Variants in ZNF442 observed in about 807,000 individuals in gnomAD.
ZNF442 encodes zinc finger protein 442.
Under a neutral mutation model 57.0 loss-of-function variants are expected in ZNF442, and 45 were observed. The ratio of observed to expected loss-of-function variants is 0.79; its 90% confidence interval spans 0.62 to 1.01. The LOEUF (loss-of-function observed/expected upper bound fraction) is 1.01, where lower values mean the gene tolerates loss of function less well. Among genes scored for constraint, ZNF442 ranks in the 50% least tolerant of loss-of-function variants. The pLI is 0.00. For synonymous variants in ZNF442, 213 were observed against 241.8 expected (o/e 0.88, Z 1.10); for missense variants, 690 against 756.5 (o/e 0.91, Z 1.03).
chr19:12,367,020 T>C (rs1188462474), upstream of ZNF442, among the ~76,000 whole-genome samples: 1 of 152,110 alleles, frequency 6.6e-6, no homozygotes, highest in Non-Finnish European at 1.5e-5. Context: ...GCTTCAGGGG[T>C]TGGATCTTGT....
At position 12,349,690 on chromosome 19, in the gene ZNF442, C is replaced by T. The variant is rs1467929250; in HGVS notation, c.*11G>A. The T allele has an allele frequency of 3.8e-6, 6 of 1,570,280 alleles. No homozygotes were observed. The highest frequency in any genetic ancestry group is 2.2e-5 in the East Asian group (1 of 44,472). ...TGAAATGAAATAAAATTAATGAATG[C>T]TTTTCCACATTTATAGAGTATCTCT... On this transcript the variant is annotated 3_prime_UTR_variant, in exon 6 of 6. Transcript: ENST00000242804.
In ZNF442 at chr19:12,351,986, C is replaced by T. The variant is rs1283991106; in HGVS notation, c.266+24G>A. ...TAAGAATTGCTCCACAGATATATGTCTTTCTCTTGTGAGTGCAAATTACCT... is the reference window on the plus strand; with the variant it reads ...TAAGAATTGCTCCACAGATATATGTTTTTCTCTTGTGAGTGCAAATTACCT... On this transcript the variant is annotated intron_variant, in intron 5 of 5. Transcript: ENST00000242804. The T allele has an allele frequency of 3.7e-6, 6 of 1,608,504 alleles. No individual in the cohort carries two copies. In the South Asian group the frequency reaches 6.6e-5, roughly 18 times the overall value.
upstream of ZNF442, among the ~76,000 whole-genome samples, chr19:12,367,327 C>T (rs938020441): frequency 1.3e-5 from 2 of 152,036 alleles, no homozygotes; most frequent in East Asian, 1.9e-4. Flanking sequence ...AGGGGGTGTA[C>T]GAACAGGGAG....
chr19:12,372,474 G>A, the ZNF442 span, among the ~76,000 whole-genome samples: 1 of 151,294 alleles, frequency 6.6e-6, no homozygotes, highest in Non-Finnish European at 1.5e-5. Context: ...AAAAAAAAGA[G>A]AAAAAAGAAA....
In ZNF442 at chr19:12,348,678, T is replaced by G. The variant is rs921246294; in HGVS notation, c.*1023A>C. 1 of 152,168 alleles carries G rather than the reference T, an allele frequency of 6.6e-6. No individual in the cohort carries two copies. Among genetic ancestry groups the G allele is most frequent in the Non-Finnish European group, 1.5e-5 (1 of 68,040 alleles). 9.4% of individuals were successfully genotyped at this position (152,168 alleles called of 1,614,324 possible). A position where few individuals can be genotyped will look rare whatever the true frequency, so the allele number is the denominator to read the frequency against. On this transcript the variant is annotated 3_prime_UTR_variant, in exon 6 of 6. Transcript: ENST00000242804. The stretch of plus-strand genomic sequence containing the variant: ...TGATCATCCTGACATCCTGTCAAGA[T>G]TCAAGTGAGCCTGATGTCTCACTGT...
intron 3 of ZNF442, among the ~76,000 whole-genome samples, chr19:12,353,737 A>C (rs1969281023): frequency 6.6e-6 from 1 of 152,192 alleles, no homozygotes; most frequent in African/African-American, 2.4e-5. Context: ...TTAATCCCCA[A>C]TGTGACAGTA....
At chr19:12,359,386 A>G (rs979113445) in intron 3 of ZNF442, among the ~76,000 whole-genome samples, 3 of 152,118 alleles carry the variant, frequency 2.0e-5, no homozygotes, top group Admixed American at 6.5e-5. Context: ...GTAAAACAAA[A>G]CAAAATAAAA....
rs575166867 is a variant in ZNF442, at chr19:12,346,023, C to T, written c.*3678G>A. On this transcript the variant is annotated 3_prime_UTR_variant, in exon 6 of 6. Transcript: ENST00000242804. ...CAATAAAAGATAAACTGGACTACAT[C>T]GAAATTAAAAACTTTTGCGCACCAA... The T allele has an allele frequency of 1.3e-5, 2 of 152,116 alleles. No individual in the cohort carries two copies. Among genetic ancestry groups the T allele is most frequent in the East Asian group, 1.9e-4 (1 of 5,182 alleles). 9.4% of individuals were successfully genotyped at this position (152,116 alleles called of 1,614,324 possible). A position where few individuals can be genotyped will look rare whatever the true frequency, so the allele number is the denominator to read the frequency against.
intron 5 of ZNF442, 142 bp downstream of exon 5, chr19:12,351,868 G>C: frequency 1.5e-6 from 1 of 652,186 alleles, no homozygotes; most frequent in Non-Finnish European, 2.6e-6. Context: ...TCACATTTAA[G>C]TATATGTTTC....
chr19:12,354,568 T>TG, intron 3 of ZNF442, among the ~76,000 whole-genome samples: 1 of 148,018 alleles, frequency 6.8e-6, no homozygotes, highest in East Asian at 2.0e-4. Context: ...GATAAAGAAT[T>TG]TTTTTTTTTT....
intron 3 of ZNF442, 97 bp from the exon 4 acceptor site, chr19:12,353,211 C>A: frequency 3.1e-6 from 4 of 1,295,140 alleles, no homozygotes; most frequent in Non-Finnish European, 2.1e-6. Context: ...TATTTCTAAG[C>A]AATGATTCAA....
intron 3 of ZNF442, among the ~76,000 whole-genome samples, chr19:12,356,902 A>AT (rs1969340386): frequency 6.6e-6 from 1 of 152,122 alleles, no homozygotes; most frequent in Non-Finnish European, 1.5e-5. Flanking sequence ...CAATACAACA[A>AT]TTTTTTCCCA....
At chr19:12,371,441 A>G in the ZNF442 span, among the ~76,000 whole-genome samples, 1 of 152,206 alleles carries the variant, frequency 6.6e-6, no homozygotes, top group African/African-American at 2.4e-5. Context: ...TTTCCTAGAC[A>G]GTTGTGAAAA....
chr19:12,367,603 C>T (rs1268571371), upstream of ZNF442, among the ~76,000 whole-genome samples: 3 of 152,142 alleles, frequency 2.0e-5, no homozygotes, highest in African/African-American at 7.2e-5. Context: ...CAGATACTCG[C>T]AGAGCAGCCA....
In ZNF442 at chr19:12,357,032, GA is replaced by G. The variant is rs2144829101; in HGVS notation, c.79-3919del. On this transcript the variant is annotated intron_variant, in intron 3 of 5. Coordinates refer to ENST00000242804, the MANE Select transcript of ZNF442 (RefSeq NM_030824.3). ...AAAGAACTCAAGTCCCATGAACAGT[GA>G]AATGTGTGAGGACTTGGTGACCCAC... 2.0e-5 allele frequency among the ~76,000 whole-genome samples: 3 copies of G among 152,324 alleles called. No individual in the cohort carries two copies. The East Asian group carries it at 5.8e-4, about 29-fold the overall frequency.
Position 12,350,089 on chromosome 19 carries a change from C to T in ZNF442, c.1496G>A (p.Cys499Tyr), listed in dbSNP as rs1206826455. ...ECKECGKAFS[C>Y]FTYLSQHRRT... ...TCTATGTTGAGAAAGGTATGTGAAA[C>T]AACTGAATGCTTTCCCACATTCCTT... Residue 499 changes from cysteine to tyrosine, a missense_variant, in exon 6 of 6, where the codon TGT (cysteine) becomes TAT (tyrosine). By Grantham distance (194) the Cys-to-Tyr change is radical (BLOSUM62 -2). Coordinates refer to ENST00000242804, the MANE Select transcript of ZNF442 (RefSeq NM_030824.3). 3.1e-6 allele frequency: 5 copies of T among 1,613,054 alleles called. No homozygotes were observed. In the South Asian group the frequency reaches 3.3e-5, roughly 11 times the overall value.
At chr19:12,361,036 A>T (rs1969416936) in intron 3 of ZNF442, among the ~76,000 whole-genome samples, 1 of 152,030 alleles carries the variant, frequency 6.6e-6, no homozygotes, top group Non-Finnish European at 1.5e-5. Context: ...TACTAAAAAT[A>T]CAAAATTAGC....
chr19:12,366,976 A>G (rs1027957986), upstream of ZNF442, among the ~76,000 whole-genome samples: 5 of 152,154 alleles, frequency 3.3e-5, no homozygotes, highest in African/African-American at 1.2e-4. Context: ...AGCACACACC[A>G]TGCTCTCTTA....
chr19:12,363,543 C>G lies in ZNF442; in HGVS notation c.78+11G>C. 1 of 1,613,722 alleles carries G rather than the reference C, an allele frequency of 6.2e-7. No individual in the cohort carries two copies. The highest frequency in any genetic ancestry group is 8.5e-7 in the Non-Finnish European group (1 of 1,179,628). ...TGCACAACTGGAATGAGTGGGTTCT[C>G]CAGTGCTTACATATTGTTTTCTCTC... On this transcript the variant is annotated intron_variant, in intron 3 of 5. Coordinates refer to ENST00000242804, the MANE Select transcript of ZNF442 (RefSeq NM_030824.3).
Sources: allele counts gnomAD v4.1 joint callset (sites outside exome capture counted in the v4.1 genomes callset), GRCh38; gene constraint gnomAD v4.1.1; transcripts MANE v1.5; gene names NCBI Gene and HGNC (gene_info 2026-07-23, HGNC 2026-07-21).